Variants in TPPP observed in about 807,000 individuals in gnomAD.
TPPP encodes the protein tubulin polymerization promoting protein.
A neutral mutation model predicts 15.5 loss-of-function variants in TPPP; 6 were observed. The observed-to-expected ratio is 0.39, with a 90% CI of 0.21 to 0.77. The LOEUF is 0.77. Ranked by LOEUF, TPPP falls within the 30% of genes least tolerant of loss-of-function variation. TPPP has a pLI of 0.42. For missense variants in TPPP, 269 were observed against 307.2 expected, an observed-to-expected ratio of 0.88 and a Z score of 0.93; for synonymous variants, 146 against 133.9, an observed-to-expected ratio of 1.09 and a Z score of -0.63.
intron 2 of TPPP, among the ~76,000 whole-genome samples, chr5:674,795 G>A (rs1343558671): frequency 1.3e-5 from 2 of 151,822 alleles, no homozygotes; most frequent in Non-Finnish European, 2.9e-5. Context: ...GGGGACAGTG[G>A]GCTGGTCTGT....
intron 2 of TPPP, among the ~76,000 whole-genome samples, chr5:669,711 C>T (rs1028382754): frequency 5.3e-4 from 80 of 152,054 alleles, no homozygotes; most frequent in African/African-American, 1.7e-3. Flanking sequence ...CAGATCCGGA[C>T]ACCTGCTCTG....
At chr5:671,942 C>T (rs1255643778) in intron 2 of TPPP, among the ~76,000 whole-genome samples, 2 of 152,204 alleles carry the variant, frequency 1.3e-5, no homozygotes, top group Non-Finnish European at 2.9e-5. Context: ...AGCCCTGAGG[C>T]TCCTGGCCCC....
chr5:668,207 CG>C (rs1740018260), intron 2 of TPPP, among the ~76,000 whole-genome samples: 1 of 93,220 alleles, frequency 1.1e-5, no homozygotes, highest in African/African-American at 4.2e-5. Flanking sequence ...AGGGAAGTAC[CG>C]ACAAGCACAC....
chr5:672,001 C>T (rs946495677), intron 2 of TPPP, among the ~76,000 whole-genome samples: 4 of 152,182 alleles, frequency 2.6e-5, no homozygotes, highest in African/African-American at 7.2e-5. Flanking sequence ...GACAGGAGGA[C>T]GTCACACACA....
intron 1 of TPPP, among the ~76,000 whole-genome samples, chr5:678,889 C>T (rs1160507274): frequency 1.3e-5 from 2 of 152,194 alleles, no homozygotes; most frequent in African/African-American, 4.8e-5. Flanking sequence ...GGCAGGGCTG[C>T]CGAGGCCACC....
intron 2 of TPPP, among the ~76,000 whole-genome samples, chr5:675,338 GC>G: frequency 9.9e-6 from 1 of 100,636 alleles, no homozygotes; most frequent in Non-Finnish European, 2.0e-5. Context: ...GTGCAGTGTG[GC>G]TGGGGGTGCA....
chr5:666,637 G>A (rs773844523), intron 2 of TPPP, among the ~76,000 whole-genome samples: 19 of 152,238 alleles, frequency 1.2e-4, no homozygotes, highest in Non-Finnish European at 2.5e-4. Context: ...CCCGCCAGGC[G>A]GCCCCGCTGT....
At chr5:677,222 G>A (rs1740481024) in intron 2 of TPPP, among the ~76,000 whole-genome samples, 1 of 152,216 alleles carries the variant, frequency 6.6e-6, no homozygotes. Context: ...AGGGGCTGGG[G>A]GACACCCGAA....
At chr5:685,802 G>C (rs1201899517) in intron 1 of TPPP, among the ~76,000 whole-genome samples, 1 of 152,176 alleles carries the variant, frequency 6.6e-6, no homozygotes, top group Non-Finnish European at 1.5e-5. Context: ...ATGAGAAGGC[G>C]GGGCAGTCTC....
the TPPP span, among the ~76,000 whole-genome samples, chr5:698,498 T>G: frequency 6.6e-6 from 1 of 151,974 alleles, no homozygotes; most frequent in South Asian, 2.1e-4. Context: ...GGACTTACAG[T>G]TCCACACGGC....
chr5:677,365 C>G lies in TPPP; in HGVS notation c.311+385G>C, dbSNP rs556408833. ...CCAGGCTCCAGGCAGCCACTGCCCCCACTCCTGGGGAAGCCCAGTGATCCC... is the reference window on the plus strand; with the variant it reads ...CCAGGCTCCAGGCAGCCACTGCCCCGACTCCTGGGGAAGCCCAGTGATCCC... On this transcript the variant is annotated intron_variant, in intron 2 of 3. Transcript: ENST00000360578. 4.6e-5 allele frequency among the ~76,000 whole-genome samples: 7 copies of G among 152,346 alleles called. No individual in the cohort carries two copies. The South Asian group carries it at 6.2e-4, about 14-fold the overall frequency.
chr5:685,919 A>C (rs891643173), intron 1 of TPPP, among the ~76,000 whole-genome samples: 46 of 152,188 alleles, frequency 3.0e-4, no homozygotes, highest in Non-Finnish European at 1.5e-4. Flanking sequence ...CCAGAGCACT[A>C]TGGCTGAGTA....
rs1739789753 is a variant in TPPP at position 663,910 on chromosome 5, C to T, written c.*1192G>A. Reference sequence around the variant, plus strand: ...AGCGGGTGGCCACACCCGTCAGCCTCCCCAGGAGGGAGCAGGAGCGCCGGC... The same window carrying T: ...AGCGGGTGGCCACACCCGTCAGCCTTCCCAGGAGGGAGCAGGAGCGCCGGC... On this transcript the variant is annotated 3_prime_UTR_variant, in exon 4 of 4. Coordinates refer to ENST00000360578, the MANE Select transcript of TPPP (RefSeq NM_007030.3). 1 of 152,688 alleles carries T rather than the reference C, an allele frequency of 6.5e-6. No individual in the cohort carries two copies. The highest frequency in any genetic ancestry group is 2.4e-5 in the African/African-American group (1 of 41,478). 9.5% of individuals were successfully genotyped at this position (152,688 alleles called of 1,614,324 possible).
chr5:665,084 C>T lies in TPPP; in HGVS notation c.*18G>A, dbSNP rs750639997. 8.2e-5 allele frequency: 131 copies of T among 1,603,036 alleles called. No individual in the cohort carries two copies. Among genetic ancestry groups the T allele is most frequent in the Non-Finnish European group, 1.1e-4 (126 of 1,177,940 alleles). On this transcript the variant is annotated 3_prime_UTR_variant, in exon 4 of 4. Transcript: ENST00000360578. ...TGCTCTGGGGACACCGGCAGTGCCG[C>T]GAGGCATGGAGCGGGGGCTACTTGC... is the stretch of plus-strand genomic sequence containing the variant.
At chr5:668,327 G>A (rs1211712116) in intron 2 of TPPP, among the ~76,000 whole-genome samples, 1 of 102,112 alleles carries the variant, frequency 9.8e-6, no homozygotes, top group Non-Finnish European at 2.0e-5. Context: ...AGAGGGGGCC[G>A]TGTGGGCGCC....
chr5:674,802 C>T (rs931189691), intron 2 of TPPP, among the ~76,000 whole-genome samples: 8 of 151,824 alleles, frequency 5.3e-5, no homozygotes, highest in Non-Finnish European at 1.2e-4. Context: ...GTGGGCTGGT[C>T]TGTCCTCCAG....
upstream of TPPP, among the ~76,000 whole-genome samples, chr5:697,500 C>T (rs11958921): frequency 5.9e-3 from 895 of 152,094 alleles, 22 homozygotes; most frequent in African/African-American, 0.021. Context: ...AGCGGAGGGC[C>T]GCAGAGAAGG....
At chr5:683,159 T>C in intron 1 of TPPP, among the ~76,000 whole-genome samples, 1 of 152,186 alleles carries the variant, frequency 6.6e-6, no homozygotes, top group Middle Eastern at 3.2e-3. Flanking sequence ...CGCAGGCAAG[T>C]GCCCATGGTA....
In TPPP at chr5:663,067, T is replaced by TCGGGTGAG. The variant is rs1739723943; in HGVS notation, c.*2034_*2035insCTCACCCG. 7.1e-6 allele frequency: 1 copy of TCGGGTGAG among 139,970 alleles called. No homozygotes were observed. Among genetic ancestry groups the TCGGGTGAG allele is most frequent in the African/African-American group, 2.6e-5 (1 of 38,868 alleles). 8.7% of individuals were successfully genotyped at this position (139,970 alleles called of 1,614,324 possible). On this transcript the variant is annotated 3_prime_UTR_variant, in exon 4 of 4. Transcript: ENST00000360578. ...TGACTGCTCGTCTGTGATCGGGTGA[T>TCGGGTGAG]TCCGATGACTGCTTGTCTGTGATTG...
Sources: allele counts gnomAD v4.1 joint callset (sites outside exome capture counted in the v4.1 genomes callset), GRCh38; gene constraint gnomAD v4.1.1; transcripts MANE v1.5; gene names NCBI Gene and HGNC (gene_info 2026-07-23, HGNC 2026-07-21).